The following GPM6A variants were observed in gnomAD, a reference collection of about 807,000 sequenced individuals.
GPM6A encodes the protein neuronal membrane glycoprotein M6-a.
A neutral mutation model predicts 32.1 loss-of-function variants in GPM6A; 7 were observed. The ratio of observed to expected loss-of-function variants is 0.22; its 90% CI spans 0.12 to 0.41. The LOEUF (loss-of-function observed/expected upper bound fraction) is 0.41, where lower values mean the gene tolerates loss of function less well. Ranked by LOEUF, GPM6A falls within the 10% of genes least tolerant of loss-of-function variation. The pLI is 1.00. For synonymous variants in GPM6A, 130 were observed against 123.4 expected (o/e 1.05, Z -0.35); for missense variants, 235 against 347.2 (o/e 0.68, Z 2.57).
chr4:175,839,901 A>C (rs996849189), intron 1 of GPM6A, among the ~76,000 whole-genome samples: 2 of 152,210 alleles, frequency 1.3e-5, no homozygotes, highest in African/African-American at 4.8e-5. Context: ...ACATCTTTAG[A>C]GATTAATGTA....
At chr4:175,926,078 C>G (rs1738830573) in intron 1 of GPM6A, among the ~76,000 whole-genome samples, 1 of 152,102 alleles carries the variant, frequency 6.6e-6, no homozygotes, top group South Asian at 2.1e-4. Context: ...TCTCAAACTC[C>G]TGACTTCAAA....
chr4:175,892,075 C>G (rs1737665990), intron 1 of GPM6A, among the ~76,000 whole-genome samples: 1 of 152,182 alleles, frequency 6.6e-6, no homozygotes, highest in African/African-American at 2.4e-5. Context: ...TTTAAAACTA[C>G]TATCAAGCAT....
intron 1 of GPM6A, among the ~76,000 whole-genome samples, chr4:175,963,060 G>A (rs1740217388): frequency 1.3e-5 from 2 of 151,544 alleles, no homozygotes; most frequent in South Asian, 2.1e-4. Context: ...AGATTGAATA[G>A]AGGCAAGCAA....
chr4:175,897,793 G>A (rs946505679), intron 1 of GPM6A, among the ~76,000 whole-genome samples: 17 of 152,104 alleles, frequency 1.1e-4, no homozygotes, highest in Admixed American at 1.3e-4. Context: ...TGGGTCAATT[G>A]AGCTACTTTG....
intron 1 of GPM6A, among the ~76,000 whole-genome samples, chr4:175,918,474 A>G (rs1006717773): frequency 6.6e-6 from 1 of 152,080 alleles, no homozygotes; most frequent in African/African-American, 2.4e-5. Context: ...AGTATTCATC[A>G]AGAAGGTGCA....
chr4:175,670,371 GC>G (rs1383516323), intron 3 of GPM6A, among the ~76,000 whole-genome samples: 1 of 152,060 alleles, frequency 6.6e-6, no homozygotes, highest in Non-Finnish European at 1.5e-5. Flanking sequence ...GGGGATGGGG[GC>G]AAAAAATATC....
intron 1 of GPM6A, among the ~76,000 whole-genome samples, chr4:175,982,109 G>A (rs1389465591): frequency 1.3e-5 from 2 of 151,930 alleles, no homozygotes; most frequent in African/African-American, 4.8e-5. Flanking sequence ...TCTTGTTAGT[G>A]GGTTTTTATT....
chr4:175,957,058 AT>A (rs11295781), intron 1 of GPM6A, among the ~76,000 whole-genome samples: 2,561 of 152,244 alleles, frequency 0.017, 62 homozygotes, highest in African/African-American at 0.057. Flanking sequence ...AGAAAAATAT[AT>A]TTTTTTACTA....
chr4:175,915,729 C>T (rs1207522235), intron 1 of GPM6A, among the ~76,000 whole-genome samples: 1 of 152,140 alleles, frequency 6.6e-6, no homozygotes, highest in African/African-American at 2.4e-5. Flanking sequence ...TCATCCACCT[C>T]ACTGGCAATA....
rs1459870809 is a variant in GPM6A, at chr4:175,970,297, C to T, written c.-23+32012G>A. ...AACTGAGGGTTGAAGGTCAGACTCT[C>T]ATTGCAGCAAACACATGAACCCCTC... On this transcript the variant is annotated intron_variant, in intron 1 of 7. Transcript: ENST00000280187. Among the ~76,000 whole-genome samples, 7 of 152,334 alleles carry T rather than the reference C, an allele frequency of 4.6e-5. No homozygotes were observed. In the South Asian group the frequency reaches 1.2e-3, roughly 27 times the overall value.
chr4:175,849,878 T>A (rs1406394225), intron 1 of GPM6A, among the ~76,000 whole-genome samples: 1 of 152,030 alleles, frequency 6.6e-6, no homozygotes, highest in Admixed American at 6.6e-5. Flanking sequence ...AAGAATTGGA[T>A]GTATTAGACA....
At chr4:175,921,808 G>C (rs760874964) in intron 1 of GPM6A, among the ~76,000 whole-genome samples, 1 of 152,092 alleles carries the variant, frequency 6.6e-6, no homozygotes, top group African/African-American at 2.4e-5. Flanking sequence ...TTATTGGAGT[G>C]TACCATATTT....
At chr4:175,829,367 A>C (rs150619713) in intron 1 of GPM6A, among the ~76,000 whole-genome samples, 4 of 152,298 alleles carry the variant, frequency 2.6e-5, no homozygotes, top group East Asian at 3.9e-4. Flanking sequence ...TTTTAGATTA[A>C]ATTATATGAT....
At chr4:175,942,526 T>C (rs1028720767) in intron 1 of GPM6A, among the ~76,000 whole-genome samples, 2 of 152,236 alleles carry the variant, frequency 1.3e-5, no homozygotes, top group African/African-American at 4.8e-5. Flanking sequence ...TGTTTAAGTC[T>C]TTAATCCATC....
intron 2 of GPM6A, among the ~76,000 whole-genome samples, chr4:175,687,262 G>A (rs1421560104): frequency 6.6e-6 from 1 of 152,140 alleles, no homozygotes; most frequent in Non-Finnish European, 1.5e-5. Flanking sequence ...ACGTGGTATA[G>A]CAGATCATTC....
chr4:175,962,612 G>T, intron 1 of GPM6A: 1 of 257,036 alleles, frequency 3.9e-6, no homozygotes, highest in Non-Finnish European at 7.7e-6. Context: ...AGACAACTGA[G>T]GTGATAGAAA....
chr4:175,908,576 A>G (rs1429669395), intron 1 of GPM6A, among the ~76,000 whole-genome samples: 2 of 152,102 alleles, frequency 1.3e-5, no homozygotes, highest in African/African-American at 4.8e-5. Context: ...CTAGGGATAA[A>G]CTTTGAGGAA....
At chr4:175,964,325 C>G (rs1014865656) in intron 1 of GPM6A, among the ~76,000 whole-genome samples, 1 of 150,470 alleles carries the variant, frequency 6.6e-6, no homozygotes, top group Non-Finnish European at 1.5e-5. Context: ...AACAACAAAA[C>G]CCACCCAGCT....
intron 4 of GPM6A, among the ~76,000 whole-genome samples, chr4:175,645,942 C>A (rs1741439407): frequency 1.3e-5 from 2 of 152,142 alleles, no homozygotes; most frequent in South Asian, 4.1e-4. Flanking sequence ...CCACCCACTT[C>A]CCCTGGCTCT....
Sources: gnomAD v4.1 joint callset for allele counts (sites outside exome capture counted in the v4.1 genomes callset) on GRCh38, gnomAD v4.1.1 for gene constraint, MANE v1.5 for transcripts, NCBI Gene and HGNC (gene_info 2026-07-23, HGNC 2026-07-21) for gene names.